AKAP7: variants seen among roughly 807,000 people sequenced by gnomAD.
AKAP7 encodes the protein A-kinase anchoring protein 7.
A neutral mutation model predicts 39.5 loss-of-function variants in AKAP7; 39 were observed. The ratio of observed to expected loss-of-function variants is 0.99; its 90% CI spans 0.76 to 1.29. The LOEUF is 1.29. Among genes scored for constraint, AKAP7 ranks in the 50% most tolerant of loss-of-function variants. AKAP7 has a pLI of 0.00. For missense variants in AKAP7, 414 were observed against 407.7 expected, an observed-to-expected ratio of 1.02 and a Z score of -0.13; for synonymous variants, 140 against 139.1, an observed-to-expected ratio of 1.01 and a Z score of -0.05.
rs143349838 is a variant in AKAP7 at position 131,188,710 on chromosome 6, T to C, written c.590-10751T>C. On this transcript the variant is annotated intron_variant, in intron 5 of 7. Coordinates refer to ENST00000431975, the MANE Select transcript of AKAP7 (RefSeq NM_016377.4). ...TAGGCCATCACACCTGGCTGATTTT[T>C]GTACTTCTTTTTTTTTTTTTTTTGT... Among the ~76,000 whole-genome samples, 1,307 of 150,596 alleles carry C rather than the reference T, an allele frequency of 8.7e-3. 16 individuals are homozygous for C. Among genetic ancestry groups the C allele is most frequent in the African/African-American group, 0.03 (1,232 of 41,388 alleles).
At chr6:131,156,262 T>C (rs528707514) in intron 2 of AKAP7, among the ~76,000 whole-genome samples, 3 of 152,254 alleles carry the variant, frequency 2.0e-5, no homozygotes, top group South Asian at 4.1e-4. Flanking sequence ...TAGGAACTTA[T>C]TTAGAATTGA....
At chr6:131,179,267 G>A (rs1267251100) in intron 5 of AKAP7, among the ~76,000 whole-genome samples, 1 of 152,070 alleles carries the variant, frequency 6.6e-6, no homozygotes, top group African/African-American at 2.4e-5. Flanking sequence ...TCTGCCTCCT[G>A]GGTTCAAGTG....
At chr6:131,129,185 G>A in the AKAP7 span, among the ~76,000 whole-genome samples, 8 of 151,700 alleles carry the variant, frequency 5.3e-5, no homozygotes, top group East Asian at 1.6e-3. Context: ...TACCAGGGAG[G>A]CTGAGGCAGG....
intron 6 of AKAP7, among the ~76,000 whole-genome samples, chr6:131,211,086 A>T (rs1001377945): frequency 6.6e-6 from 1 of 152,214 alleles, no homozygotes; most frequent in Admixed American, 6.5e-5. Flanking sequence ...CCTAAGATGT[A>T]CAAAGTGGGT....
At chr6:131,135,812 C>CG (rs539087422) in intron 1 of AKAP7, 30 bp downstream of exon 1, 1 of 1,226,918 alleles carries the variant, frequency 8.2e-7, no homozygotes, top group Non-Finnish European at 1.0e-6. Flanking sequence ...CGGGCCGGGG[C>CG]GGGGGCGACA....
At chr6:131,211,614 A>G (rs79485380) in intron 6 of AKAP7, among the ~76,000 whole-genome samples, 1 of 151,384 alleles carries the variant, frequency 6.6e-6, no homozygotes, top group East Asian at 1.9e-4. Context: ...AAAAAAAAAA[A>G]TGCAAAAAAT....
the AKAP7 span, among the ~76,000 whole-genome samples, chr6:131,129,994 G>A: frequency 6.6e-6 from 1 of 152,104 alleles, no homozygotes; most frequent in Non-Finnish European, 1.5e-5. Context: ...GAGAAATGAG[G>A]GACCTGAAGA....
At chr6:131,214,048 A>G (rs765775529) in intron 6 of AKAP7, among the ~76,000 whole-genome samples, 1 of 151,390 alleles carries the variant, frequency 6.6e-6, no homozygotes, top group Non-Finnish European at 1.5e-5. Context: ...GGAATGACAC[A>G]TTAGGACCAG....
chr6:131,169,706 G>A (rs754160695), intron 5 of AKAP7, among the ~76,000 whole-genome samples: 1 of 152,138 alleles, frequency 6.6e-6, no homozygotes, highest in Non-Finnish European at 1.5e-5. Flanking sequence ...AAAGTGTCAG[G>A]GAATTGGAAG....
chr6:131,244,652 AGTAGGCATTTGAAAATTGGCAC>A (rs1811857329), intron 7 of AKAP7, among the ~76,000 whole-genome samples: 2 of 152,222 alleles, frequency 1.3e-5, no homozygotes, highest in East Asian at 3.8e-4. Flanking sequence ...GTAACCATGG[AGTAGGCATTTGAAAATTGGCAC>A]TAAGCAGAAA....
the AKAP7 span, among the ~76,000 whole-genome samples, chr6:131,126,930 G>A: frequency 3.9e-5 from 6 of 152,146 alleles, no homozygotes; most frequent in African/African-American, 1.4e-4. Context: ...TAGTACATGA[G>A]CATAGTTTAG....
intron 7 of AKAP7, among the ~76,000 whole-genome samples, chr6:131,243,789 T>C (rs1266190023): frequency 6.6e-6 from 1 of 152,214 alleles, no homozygotes; most frequent in Admixed American, 6.5e-5. Flanking sequence ...CCAAATTTTC[T>C]GTTGTTTACA....
intron 5 of AKAP7, chr6:131,184,859 T>G: frequency 7.1e-7 from 1 of 1,413,764 alleles, no homozygotes; most frequent in Non-Finnish European, 1.0e-6. Flanking sequence ...TTTCCACAAA[T>G]GTCACAGGCA....
intron 4 of AKAP7, among the ~76,000 whole-genome samples, 199 bp from the exon 5 acceptor site, chr6:131,168,914 T>G (rs992121447): frequency 6.6e-6 from 1 of 152,214 alleles, no homozygotes; most frequent in African/African-American, 2.4e-5. Context: ...AGGTAAAGAT[T>G]TCTTTACTTC....
At chr6:131,241,577 A>ATGTGTGTGTGTGTG (rs749601887) in intron 7 of AKAP7, among the ~76,000 whole-genome samples, 13 of 81,238 alleles carry the variant, frequency 1.6e-4, no homozygotes, top group Non-Finnish European at 2.1e-4. Context: ...GATTATATAT[A>ATGTGTGTGTGTGTG]TGTGTGTGTG....
At chr6:131,223,634 A>G (rs1358403012) in intron 7 of AKAP7, among the ~76,000 whole-genome samples, 1 of 152,174 alleles carries the variant, frequency 6.6e-6, no homozygotes, top group Non-Finnish European at 1.5e-5. Flanking sequence ...GAAAACTTAG[A>G]TACTTCTTGT....
chr6:131,268,547 G>A (rs1814005043), intron 7 of AKAP7, among the ~76,000 whole-genome samples: 1 of 152,186 alleles, frequency 6.6e-6, no homozygotes, highest in African/African-American at 2.4e-5. Context: ...AGCCCTCTGA[G>A]TTTGGTGTGT....
At chr6:131,188,148 A>G (rs1346267932) in intron 5 of AKAP7, among the ~76,000 whole-genome samples, 14 of 152,228 alleles carry the variant, frequency 9.2e-5, no homozygotes, top group Non-Finnish European at 1.5e-5. Flanking sequence ...TTTACACAGT[A>G]ATCAACTGGA....
chr6:131,159,987 CTTG>C, intron 2 of AKAP7, 69 bp from the exon 3 acceptor site: 2 of 1,326,484 alleles, frequency 1.5e-6, no homozygotes, highest in Middle Eastern at 2.3e-4. Context: ...TTATATATTG[CTTG>C]TTTTTTTTTC....
Sources: allele counts gnomAD v4.1 joint callset (sites outside exome capture counted in the v4.1 genomes callset), GRCh38; gene constraint gnomAD v4.1.1; transcripts MANE v1.5; gene names NCBI Gene and HGNC (gene_info 2026-07-23, HGNC 2026-07-21).